Variants in ERC2 observed in about 807,000 individuals in gnomAD.
ERC2 encodes the protein ELKS/RAB6-interacting/CAST family member 2.
ERC2 carries 42 observed loss-of-function variants against 114.8 expected under a neutral mutation model. The observed-to-expected ratio is 0.37, with a 90% CI of 0.29 to 0.47. ERC2 has a LOEUF of 0.47. Ranked by LOEUF, ERC2 falls within the 20% of genes least tolerant of loss-of-function variation. The probability of loss-of-function intolerance (pLI) is 0.99; values close to 1 mark genes in which losing one functional copy is unlikely to be tolerated. For missense variants in ERC2, 939 were observed against 1,150.7 expected (o/e 0.82, Z 2.66); for synonymous variants, 454 against 425.5 (o/e 1.07, Z -0.82).
At chr3:56,071,192 G>A (rs1419472861) in intron 7 of ERC2, among the ~76,000 whole-genome samples, 1 of 152,214 alleles carries the variant, frequency 6.6e-6, no homozygotes, top group Non-Finnish European at 1.5e-5. Context: ...TGGACTATTG[G>A]ATGGCTGGAC....
intron 5 of ERC2, among the ~76,000 whole-genome samples, chr3:56,144,771 A>G (rs1406626235): frequency 1.3e-5 from 2 of 152,258 alleles, no homozygotes; most frequent in Admixed American, 6.5e-5. Context: ...CATTGCTGCC[A>G]TAAGGTAAAT....
intron 17 of ERC2, among the ~76,000 whole-genome samples, chr3:55,638,803 A>T (rs1019610152): frequency 6.6e-6 from 1 of 152,260 alleles, no homozygotes; most frequent in Non-Finnish European, 1.5e-5. Flanking sequence ...CTAAAAGGAA[A>T]TCAGGAAAAC....
At chr3:55,592,975 C>T (rs765957603) in intron 17 of ERC2, among the ~76,000 whole-genome samples, 74 of 152,316 alleles carry the variant, frequency 4.9e-4, no homozygotes, top group Admixed American at 8.5e-4. Flanking sequence ...CTATGTCCTT[C>T]TATTCACTCA....
At chr3:56,446,215 T>C (rs1016769059) in intron 1 of ERC2, among the ~76,000 whole-genome samples, 1 of 152,306 alleles carries the variant, frequency 6.6e-6, no homozygotes, top group Admixed American at 6.5e-5. Context: ...AAGTGAGATC[T>C]ATGGGAAGGA....
intron 2 of ERC2, among the ~76,000 whole-genome samples, chr3:56,425,216 A>T (rs2061521580): frequency 6.6e-6 from 1 of 152,042 alleles, no homozygotes; most frequent in African/African-American, 2.4e-5. Context: ...CCCACAAAAC[A>T]CACACACACA....
chr3:56,350,036 C>A (rs765124687), intron 2 of ERC2, among the ~76,000 whole-genome samples: 2 of 151,996 alleles, frequency 1.3e-5, no homozygotes, highest in Non-Finnish European at 2.9e-5. Flanking sequence ...GGCACATATA[C>A]CCCTGAAACT....
intron 17 of ERC2, among the ~76,000 whole-genome samples, chr3:55,673,905 G>A (rs2061671527): frequency 6.7e-6 from 1 of 148,206 alleles, no homozygotes; most frequent in South Asian, 2.2e-4. Flanking sequence ...AAGAAGAACA[G>A]CAGAGGCTGG....
intron 2 of ERC2, among the ~76,000 whole-genome samples, chr3:56,423,474 G>A (rs1260399427): frequency 6.6e-6 from 1 of 152,174 alleles, no homozygotes; most frequent in Admixed American, 6.5e-5. Flanking sequence ...TTCAGACACT[G>A]CCAAATGTCC....
At chr3:56,304,278 A>G (rs2056081129) in intron 2 of ERC2, among the ~76,000 whole-genome samples, 1 of 152,230 alleles carries the variant, frequency 6.6e-6, no homozygotes, top group Non-Finnish European at 1.5e-5. Flanking sequence ...ATGAGTACAC[A>G]TAGGAAATAT....
chr3:56,296,632 GC>G (rs1451135669), intron 2 of ERC2, among the ~76,000 whole-genome samples, 197 bp from the exon 3 acceptor site: 5 of 152,160 alleles, frequency 3.3e-5, no homozygotes, highest in Admixed American at 3.3e-4. Flanking sequence ...ATTCAGTGAT[GC>G]TTTCTGAATG....
chr3:56,197,357 T>A (rs915394747), intron 3 of ERC2, among the ~76,000 whole-genome samples: 1 of 152,200 alleles, frequency 6.6e-6, no homozygotes, highest in Non-Finnish European at 1.5e-5. Flanking sequence ...TTTCTGAAAC[T>A]ACGTTAGAAT....
chr3:55,893,196 C>A (rs2063693175), intron 13 of ERC2, among the ~76,000 whole-genome samples: 1 of 152,168 alleles, frequency 6.6e-6, no homozygotes, highest in African/African-American at 2.4e-5. Flanking sequence ...AAGCCACCTA[C>A]TGTATGGTAT....
chr3:55,676,758 A>T (rs1055172602), intron 17 of ERC2, among the ~76,000 whole-genome samples: 3 of 152,144 alleles, frequency 2.0e-5, no homozygotes, highest in Non-Finnish European at 4.4e-5. Flanking sequence ...GCATACTCTA[A>T]AGCAAATGAC....
At chr3:55,955,241 G>T in intron 12 of ERC2, 1 of 451,076 alleles carries the variant, frequency 2.2e-6, no homozygotes, top group Non-Finnish European at 4.4e-6. Flanking sequence ...ACTGTATGGT[G>T]GTGTGTTTGT....
chr3:55,601,168 T>G (rs2058384989), intron 17 of ERC2, among the ~76,000 whole-genome samples: 1 of 152,120 alleles, frequency 6.6e-6, no homozygotes, highest in African/African-American at 2.4e-5. Flanking sequence ...GGAATATAGC[T>G]CGCTATAACC....
At chr3:55,785,338 C>T (rs1431192557) in intron 14 of ERC2, among the ~76,000 whole-genome samples, 1 of 152,214 alleles carries the variant, frequency 6.6e-6, no homozygotes, top group Admixed American at 6.5e-5. Context: ...CAAATTATTT[C>T]AGAAAACAGA....
intron 17 of ERC2, among the ~76,000 whole-genome samples, chr3:55,642,791 A>T (rs555905028): frequency 6.6e-6 from 1 of 152,188 alleles, no homozygotes; most frequent in African/African-American, 2.4e-5. Context: ...TTCACATTGT[A>T]TATGGATTTA....
At chr3:56,430,828 C>T (rs1347061884) in intron 2 of ERC2, among the ~76,000 whole-genome samples, 1 of 152,050 alleles carries the variant, frequency 6.6e-6, no homozygotes, top group African/African-American at 2.4e-5. Flanking sequence ...CATTCTTAAT[C>T]ATCTTATCAA....
intron 3 of ERC2, among the ~76,000 whole-genome samples, chr3:56,264,686 T>C (rs2053172661): frequency 6.6e-6 from 1 of 151,372 alleles, no homozygotes; most frequent in African/African-American, 2.4e-5. Context: ...GTAAGTAACA[T>C]GATCCTACAT....
Sources: gnomAD v4.1 joint callset for allele counts (sites outside exome capture counted in the v4.1 genomes callset) on GRCh38, gnomAD v4.1.1 for gene constraint, MANE v1.5 for transcripts, NCBI Gene and HGNC (gene_info 2026-07-23, HGNC 2026-07-21) for gene names.